The following CR1 variants were observed in gnomAD, a reference collection of about 807,000 sequenced individuals.
CR1 encodes complement C3b/C4b receptor 1 (Knops blood group).
A neutral mutation model predicts 187.3 loss-of-function variants in CR1; 116 were observed. The observed-to-expected ratio is 0.62, with a 90% CI of 0.53 to 0.72. The LOEUF (loss-of-function observed/expected upper bound fraction) is 0.72. Among genes scored for constraint, CR1 ranks in the 30% least tolerant of loss-of-function variants. The pLI is 0.00. For missense variants in CR1, 1,731 were observed against 2,110.7 expected (o/e 0.82, Z 3.52); for synonymous variants, 576 against 747.1 (o/e 0.77, Z 3.73).
chr1:207,612,725 G>A (rs1289380819), intron 39 of CR1, among the ~76,000 whole-genome samples: 1 of 152,218 alleles, frequency 6.6e-6, no homozygotes, highest in African/African-American at 2.4e-5. Context: ...CCTGGTGGGA[G>A]GGGATGTGTG....
At chr1:207,615,072 G>T (rs1046894844) in intron 40 of CR1, among the ~76,000 whole-genome samples, 2 of 152,126 alleles carry the variant, frequency 1.3e-5, no homozygotes, top group African/African-American at 2.4e-5. Context: ...GCCTCCAAAA[G>T]TGTTAGGATT....
chr1:207,611,585 A>C, intron 37 of CR1, 92 bp from the exon 38 acceptor site: 1 of 1,540,802 alleles, frequency 6.5e-7, no homozygotes, highest in Non-Finnish European at 8.8e-7. Context: ...GCACTCTGCA[A>C]TGACGATTTT....
intron 35 of CR1, among the ~76,000 whole-genome samples, chr1:207,596,537 C>T (rs1223307898): frequency 6.6e-6 from 1 of 151,964 alleles, no homozygotes; most frequent in African/African-American, 2.4e-5. Flanking sequence ...TCACTTGAAC[C>T]CGGGAGGCGG....
In CR1 at chr1:207,518,218, G is replaced by A. The variant is rs77357299; in HGVS notation, c.488-5393G>A. Among the ~76,000 whole-genome samples the A allele has an allele frequency of 0.017, 2,572 of 152,058 alleles. 324 individuals are homozygous for A. In the East Asian group the frequency reaches 0.32, roughly 19 times the overall value. ...CCTCTGACCCATAGGCTGTTTAGAA[G>A]GGCATTGCTTAATTTCTAAATATTT... is the stretch of plus-strand genomic sequence containing the variant. On this transcript the variant is annotated intron_variant, in intron 4 of 46. Coordinates refer to ENST00000367049, the MANE Select transcript of CR1 (RefSeq NM_000651.6).
Position 207,580,272 on chromosome 1 carries a change from G to A in CR1, c.4969G>A (p.Glu1657Lys), listed in dbSNP as rs568448743. The change falls in exon 30 of 47, where the codon GAG becomes AAG. Residue 1657 changes from glutamate (E) to lysine (K), a missense_variant. By Grantham distance (56) the Glu-to-Lys change is moderately conservative. This residue lies in a region of CR1 where 1,312 missense variants were observed against 1,379.6 expected (regional missense o/e 0.95). Transcript: ENST00000367049. ...GCCGCCTCCAGAAATCCTGCATGGT[G>A]AGCATACCCCAAGCCATCAGGACAA... Reference protein sequence around the residue: ...CQPPPEILHGEHTPSHQDNFS... With the variant: ...CQPPPEILHGKHTPSHQDNFS... 6 of 1,613,788 alleles carry A rather than the reference G, an allele frequency of 3.7e-6. No homozygotes were observed. Among genetic ancestry groups the A allele is most frequent in the Admixed American group, 1.7e-5 (1 of 60,008 alleles).
chr1:207,564,337 C>G, intron 23 of CR1, 103 bp downstream of exon 23: 5 of 1,587,142 alleles, frequency 3.2e-6, no homozygotes, highest in Non-Finnish European at 4.3e-6. Context: ...CACACACACA[C>G]ACACACACCT....
At chr1:207,619,050 A>AAAAAAAG (rs1662232795) in intron 42 of CR1, among the ~76,000 whole-genome samples, 1 of 139,058 alleles carries the variant, frequency 7.2e-6, no homozygotes. Flanking sequence ...AAAAAAAAAA[A>AAAAAAAG]AAAAAGAAAA....
At chr1:207,573,937 G>C (rs1660654730) in intron 27 of CR1, among the ~76,000 whole-genome samples, 1 of 152,048 alleles carries the variant, frequency 6.6e-6, no homozygotes, top group Admixed American at 6.6e-5. Context: ...CTCAAGACCA[G>C]CCTAGACAAC....
At chr1:207,612,878 C>A (rs7542544) in intron 39 of CR1, among the ~76,000 whole-genome samples, 69,144 of 152,096 alleles carry the variant, frequency 0.45, 18,286 homozygotes, top group Non-Finnish European at 0.59. Context: ...ACCCCAAAGC[C>A]CAGAGGAGGT....
At chr1:207,589,824 C>A (rs11576732) in intron 35 of CR1, among the ~76,000 whole-genome samples, 3,260 of 152,158 alleles carry the variant, frequency 0.021, 65 homozygotes, top group Non-Finnish European at 0.029. Context: ...GAAGCATACA[C>A]AAGTATCAAT....
At position 207,523,632 on chromosome 1, in the gene CR1, C is replaced by A; in HGVS notation, c.509C>A (p.Pro170His). 1.9e-6 allele frequency: 3 copies of A among 1,613,968 alleles called. No homozygotes were observed. Among genetic ancestry groups the A allele is most frequent in the Non-Finnish European group, 2.5e-6 (3 of 1,179,898 alleles). ...ICDRIPCGLPPTITNGDFIST... is the reference protein window; with the variant it reads ...ICDRIPCGLPHTITNGDFIST... Reference sequence around the variant, plus strand: ...CCAGGAATTCCTTGTGGGCTACCCCCCACCATCACCAATGGAGATTTCATT... The same window carrying A: ...CCAGGAATTCCTTGTGGGCTACCCCACACCATCACCAATGGAGATTTCATT... Residue 170 changes from proline to histidine, a missense_variant, in exon 5 of 47, where the codon CCC becomes CAC. Physicochemically the swap from Pro to His is moderately conservative, Grantham distance 77 (BLOSUM62 -2). Transcript: ENST00000367049.
At chr1:207,519,629 G>A (rs535882958) in intron 4 of CR1, among the ~76,000 whole-genome samples, 1 of 152,172 alleles carries the variant, frequency 6.6e-6, no homozygotes, top group South Asian at 2.1e-4. Context: ...CATACGTTTT[G>A]CAAAAAGAAA....
intron 35 of CR1, among the ~76,000 whole-genome samples, chr1:207,596,857 T>C (rs1408591685): frequency 6.8e-6 from 1 of 147,944 alleles, no homozygotes; most frequent in Non-Finnish European, 1.5e-5. Flanking sequence ...GATATAAATT[T>C]GATATAAAAT....
intron 1 of CR1, among the ~76,000 whole-genome samples, chr1:207,500,892 A>G (rs1409631020): frequency 6.6e-6 from 1 of 152,210 alleles, no homozygotes; most frequent in African/African-American, 2.4e-5. Context: ...AAATGGATAA[A>G]CTAAATTAAG....
chr1:207,633,736 CAATT>C (rs1571623018), intron 46 of CR1, among the ~76,000 whole-genome samples: 1 of 152,150 alleles, frequency 6.6e-6, no homozygotes, highest in East Asian at 1.9e-4. Context: ...GCACGTTAAT[CAATT>C]GAGAAATTTT....
At chr1:207,506,138 A>G in intron 2 of CR1, 55 bp downstream of exon 2, 1 of 1,579,864 alleles carries the variant, frequency 6.3e-7, no homozygotes, top group Admixed American at 1.8e-5. Context: ...GTAAGATCTG[A>G]TTCAATTTGT....
chr1:207,621,374 C>T (rs963536571), intron 43 of CR1, among the ~76,000 whole-genome samples: 16 of 152,060 alleles, frequency 1.1e-4, no homozygotes, highest in African/African-American at 3.9e-4. Flanking sequence ...GTTGAAGGTA[C>T]TATTGTAAAT....
chr1:207,620,971 T>C (rs1662295655), intron 43 of CR1, among the ~76,000 whole-genome samples: 1 of 152,030 alleles, frequency 6.6e-6, no homozygotes, highest in Non-Finnish European at 1.5e-5. Context: ...TGGAACAAAA[T>C]TGATATTAAT....
At chr1:207,507,134 A>G (rs1659464272) in intron 3 of CR1, 2 of 223,484 alleles carry the variant, frequency 8.9e-6, no homozygotes, top group Non-Finnish European at 8.7e-6. Context: ...TTGCTGGAAG[A>G]AAGGGAAGGC....
Sources: allele counts gnomAD v4.1 joint callset (sites outside exome capture counted in the v4.1 genomes callset), GRCh38; gene constraint gnomAD v4.1.1; regional missense constraint gnomAD v4.1.1; transcripts MANE v1.5; gene names NCBI Gene and HGNC (gene_info 2026-07-23, HGNC 2026-07-21).